The following CDK14 variants were observed in gnomAD, a reference collection of about 807,000 sequenced individuals.
CDK14 encodes the protein cyclin-dependent kinase 14.
In CDK14, 34 loss-of-function variants were observed where a neutral mutation model predicts 60.7. The observed-to-expected ratio is 0.56, with a 90% CI of 0.43 to 0.75. The LOEUF (loss-of-function observed/expected upper bound fraction) is 0.75. Among genes scored for constraint, CDK14 ranks in the 30% least tolerant of loss-of-function variants. CDK14 has a pLI of 0.00. For synonymous variants in CDK14, 197 were observed against 203.7 expected, an observed-to-expected ratio of 0.97 and a Z score of 0.28; for missense variants, 482 against 564.1, an observed-to-expected ratio of 0.85 and a Z score of 1.47.
At chr7:90,928,166 C>T (rs1793480093) in intron 8 of CDK14, among the ~76,000 whole-genome samples, 1 of 152,146 alleles carries the variant, frequency 6.6e-6, no homozygotes, top group Non-Finnish European at 1.5e-5. Flanking sequence ...TAAACATCCT[C>T]CTTTAGCTCG....
intron 14 of CDK14, among the ~76,000 whole-genome samples, chr7:91,201,648 G>A (rs182817399): frequency 1.0e-3 from 152 of 152,272 alleles, no homozygotes; most frequent in Admixed American, 3.9e-3. Context: ...GGTCCTCAGC[G>A]ATGTTGTCCC....
intron 12 of CDK14, among the ~76,000 whole-genome samples, chr7:91,090,169 G>A (rs1050602521): frequency 2.6e-5 from 4 of 152,148 alleles, no homozygotes; most frequent in African/African-American, 7.2e-5. Context: ...GTGAGTCCCT[G>A]ATCAGGACCC....
At chr7:91,090,274 T>A (rs892202312) in intron 12 of CDK14, among the ~76,000 whole-genome samples, 7 of 152,130 alleles carry the variant, frequency 4.6e-5, no homozygotes, top group Non-Finnish European at 7.4e-5. Flanking sequence ...ACACTATTCC[T>A]TTATGAGAAT....
chr7:91,075,506 A>G (rs751162412), intron 11 of CDK14, among the ~76,000 whole-genome samples: 3 of 152,250 alleles, frequency 2.0e-5, no homozygotes, highest in African/African-American at 4.8e-5. Context: ...CCCATAGCCA[A>G]TATCATACTG....
rs574626591 is a variant in CDK14 at position 90,908,959 on chromosome 7, C to G, written c.703-8642C>G. ...CCACATCTCTCTCTTTTTAGTTATA[C>G]TAGCCTTCTCAGTTGATATTAAGAT... On this transcript the variant is annotated intron_variant, in intron 7 of 14. Coordinates refer to ENST00000380050, the MANE Select transcript of CDK14 (RefSeq NM_001287135.2). 7.2e-5 allele frequency among the ~76,000 whole-genome samples: 11 copies of G among 152,232 alleles called. No homozygotes were observed. The South Asian group carries it at 2.1e-3, about 29-fold the overall frequency.
intron 4 of CDK14, among the ~76,000 whole-genome samples, chr7:90,776,523 C>T (rs543467707): frequency 6.6e-6 from 1 of 152,086 alleles, no homozygotes; most frequent in African/African-American, 2.4e-5. Context: ...AATTAGAAAC[C>T]GAGTGTGAGC....
intron 1 of CDK14, among the ~76,000 whole-genome samples, chr7:90,603,099 A>G (rs561684258): frequency 1.3e-5 from 2 of 152,354 alleles, no homozygotes; most frequent in Admixed American, 1.3e-4. Flanking sequence ...AGACTAAATC[A>G]TGTATAAAGC....
At chr7:90,904,533 A>C (rs1308946943) in intron 7 of CDK14, among the ~76,000 whole-genome samples, 4 of 152,112 alleles carry the variant, frequency 2.6e-5, no homozygotes, top group African/African-American at 9.6e-5. Flanking sequence ...TGGGAGACAA[A>C]ATTGAAGAAA....
In CDK14 at chr7:90,917,652, A is replaced by G; in HGVS notation, c.754A>G (p.Ile252Val). The change falls in exon 8 of 15, where the codon ATT becomes GTT. Residue 252 changes from isoleucine (I) to valine (V), a missense_variant. Ile to Val is a conservative substitution (Grantham distance 29). Transcript: ENST00000380050. ...RGLSYIHQRY[I>V]LHRDLKPQNL... Reference sequence around the variant, plus strand: ...TCTGTCTTACATCCACCAGCGTTATATTTTGCACAGAGACCTGAAACCACA... The same window carrying G: ...TCTGTCTTACATCCACCAGCGTTATGTTTTGCACAGAGACCTGAAACCACA... 6.2e-7 allele frequency: 1 copy of G among 1,613,758 alleles called. No individual in the cohort carries two copies. The highest frequency in any genetic ancestry group is 1.3e-5 in the African/African-American group (1 of 75,028).
intron 5 of CDK14, among the ~76,000 whole-genome samples, chr7:90,834,841 G>A (rs1790037491): frequency 1.3e-5 from 2 of 152,216 alleles, no homozygotes; most frequent in African/African-American, 4.8e-5. Context: ...ATGGCTATCA[G>A]CCATGCAATT....
At chr7:91,103,099 A>G (rs1399471477) in intron 12 of CDK14, among the ~76,000 whole-genome samples, 1 of 152,084 alleles carries the variant, frequency 6.6e-6, no homozygotes, top group Non-Finnish European at 1.5e-5. Context: ...CTAAAAATGT[A>G]AGAATTAGCC....
chr7:90,722,175 T>TC, intron 2 of CDK14, among the ~76,000 whole-genome samples: 1 of 150,936 alleles, frequency 6.6e-6, no homozygotes, highest in East Asian at 2.0e-4. Context: ...CTCTTTCCCT[T>TC]CCCCCACCCT....
At chr7:90,805,924 A>G (rs1302718487) in intron 5 of CDK14, among the ~76,000 whole-genome samples, 1 of 152,228 alleles carries the variant, frequency 6.6e-6, no homozygotes, top group African/African-American at 2.4e-5. Context: ...TCAAGACAGT[A>G]TGTTATAGTT....
chr7:90,657,785 C>T (rs1005229560), intron 2 of CDK14, among the ~76,000 whole-genome samples: 1 of 152,096 alleles, frequency 6.6e-6, no homozygotes, highest in African/African-American at 2.4e-5. Flanking sequence ...ATTTAATGGC[C>T]ATCTGTTTAC....
intron 2 of CDK14, among the ~76,000 whole-genome samples, chr7:90,665,069 C>T (rs952908072): frequency 3.9e-5 from 6 of 152,044 alleles, no homozygotes; most frequent in African/African-American, 1.2e-4. Flanking sequence ...ATGACTGGGT[C>T]AGGAGTTCGA....
chr7:90,610,050 A>G (rs1799506332), intron 2 of CDK14, among the ~76,000 whole-genome samples: 1 of 152,006 alleles, frequency 6.6e-6, no homozygotes, highest in Non-Finnish European at 1.5e-5. Context: ...TAGCTTTCTC[A>G]CTGCTGCTGT....
At chr7:90,625,802 G>A (rs1463962487) in intron 2 of CDK14, among the ~76,000 whole-genome samples, 5 of 152,200 alleles carry the variant, frequency 3.3e-5, no homozygotes, top group Admixed American at 6.5e-5. Context: ...AGAGGAATCT[G>A]CCTAGATTGG....
chr7:90,629,817 G>A (rs1056823030), intron 2 of CDK14, among the ~76,000 whole-genome samples: 11 of 152,044 alleles, frequency 7.2e-5, no homozygotes, highest in Non-Finnish European at 1.5e-4. Flanking sequence ...ACTTGAGGCC[G>A]GGAGTTGGAG....
At chr7:90,697,127 G>A (rs919129945) in intron 2 of CDK14, among the ~76,000 whole-genome samples, 3 of 152,112 alleles carry the variant, frequency 2.0e-5, no homozygotes, top group African/African-American at 7.2e-5. Flanking sequence ...GAGGAATTTT[G>A]ATATGAAGAG....
Sources: allele counts gnomAD v4.1 joint callset (sites outside exome capture counted in the v4.1 genomes callset), GRCh38; gene constraint gnomAD v4.1.1; transcripts MANE v1.5; gene names NCBI Gene and HGNC (gene_info 2026-07-23, HGNC 2026-07-21).